The following ATXN1 variants were observed in gnomAD, a reference collection of about 807,000 sequenced individuals.
The protein encoded by ATXN1 is ataxin-1.
In ATXN1, 8 loss-of-function variants were observed where a neutral mutation model predicts 56.4. That is an observed-to-expected ratio of 0.14 (90% CI 0.08 to 0.26). The LOEUF (loss-of-function observed/expected upper bound fraction) is 0.26, where lower values mean the gene tolerates loss of function less well. Ranked by LOEUF, ATXN1 falls within the 10% of genes least tolerant of loss-of-function variation. The pLI, the probability that ATXN1 is intolerant of heterozygous loss-of-function variation, is 1.00. For synonymous variants in ATXN1, 514 were observed against 494.6 expected, an observed-to-expected ratio of 1.04 and a Z score of -0.52; for missense variants, 987 against 1,106.5, an observed-to-expected ratio of 0.89 and a Z score of 1.53.
chr6:16,343,947 G>A (rs902446806), intron 6 of ATXN1, among the ~76,000 whole-genome samples: 48 of 152,072 alleles, frequency 3.2e-4, no homozygotes, highest in African/African-American at 2.7e-4. Context: ...ACCAGCCACC[G>A]CTCCTCCGCA....
intron 3 of ATXN1, among the ~76,000 whole-genome samples, chr6:16,626,070 A>G (rs1192136859): frequency 1.3e-5 from 2 of 152,154 alleles, no homozygotes; most frequent in East Asian, 1.9e-4. Flanking sequence ...GCAACCTGAA[A>G]AAAAGGAAGG....
intron 4 of ATXN1, among the ~76,000 whole-genome samples, chr6:16,571,298 GT>G (rs1762327130): frequency 6.6e-6 from 1 of 152,024 alleles, no homozygotes; most frequent in African/African-American, 2.4e-5. Context: ...TTTGAAATAT[GT>G]TCCCTATAAA....
chr6:16,489,629 G>C (rs1334328488), intron 5 of ATXN1, among the ~76,000 whole-genome samples: 1 of 152,136 alleles, frequency 6.6e-6, no homozygotes, highest in Admixed American at 6.5e-5. Flanking sequence ...CTCTGAGGCA[G>C]TGATATTCAA....
chr6:16,549,657 G>A (rs939421262), intron 4 of ATXN1, among the ~76,000 whole-genome samples: 4 of 152,090 alleles, frequency 2.6e-5, no homozygotes, highest in Admixed American at 6.5e-5. Context: ...CAGCACTTTG[G>A]GAGGCAGAGA....
intron 2 of ATXN1, among the ~76,000 whole-genome samples, chr6:16,706,774 T>C (rs1314624594): frequency 6.6e-6 from 1 of 150,726 alleles, no homozygotes; most frequent in Non-Finnish European, 1.5e-5. Flanking sequence ...GAGGGTTAAG[T>C]GCTTTATTCA....
intron 2 of ATXN1, chr6:16,739,662 C>T (rs1410777398): frequency 2.9e-5 from 11 of 375,996 alleles, no homozygotes; most frequent in Middle Eastern, 8.4e-4. Context: ...ACTAAGCCTG[C>T]GCCAGCTCAA....
chr6:16,612,292 C>A (rs953163021), intron 3 of ATXN1, among the ~76,000 whole-genome samples: 1 of 152,044 alleles, frequency 6.6e-6, no homozygotes, highest in Non-Finnish European at 1.5e-5. Flanking sequence ...GGAACATTAA[C>A]AAAAATGAAT....
intron 6 of ATXN1, among the ~76,000 whole-genome samples, chr6:16,363,212 T>C (rs985591437): frequency 1.3e-5 from 2 of 152,268 alleles, no homozygotes; most frequent in Non-Finnish European, 2.9e-5. Flanking sequence ...TATCAACTTC[T>C]AGATCTAAGC....
intron 2 of ATXN1, among the ~76,000 whole-genome samples, chr6:16,702,314 C>T (rs1759304101): frequency 6.6e-6 from 1 of 152,190 alleles, no homozygotes. Context: ...CCCTTCCTTA[C>T]ACCTTATACA....
chr6:16,320,500 AT>A, intron 7 of ATXN1, among the ~76,000 whole-genome samples: 1 of 152,208 alleles, frequency 6.6e-6, no homozygotes, highest in Non-Finnish European at 1.5e-5. Flanking sequence ...TTACCAATAC[AT>A]TTTACAACTC....
intron 6 of ATXN1, among the ~76,000 whole-genome samples, chr6:16,351,013 T>G (rs1291382106): frequency 6.6e-6 from 1 of 152,092 alleles, no homozygotes; most frequent in East Asian, 1.9e-4. Flanking sequence ...GAGCCTAGCC[T>G]GGGAGATCAA....
chr6:16,661,107 G>A (rs574148793), intron 2 of ATXN1, among the ~76,000 whole-genome samples: 9 of 151,940 alleles, frequency 5.9e-5, no homozygotes, highest in Admixed American at 2.6e-4. Flanking sequence ...AAAGTGCTGG[G>A]ATTACAGATG....
rs987550809 is a variant in ATXN1, at chr6:16,720,345, C to T, written c.-615+32888G>A. On this transcript the variant is annotated intron_variant, in intron 2 of 7. Transcript: ENST00000436367. ...AAATAGAGTCTACTTATGCAATTTA[C>T]TTGTGGTTGTCTCCACTATGAGAAC... Among the ~76,000 whole-genome samples, 6 of 152,166 alleles carry T rather than the reference C, an allele frequency of 3.9e-5. No individual in the cohort carries two copies. The East Asian group carries it at 1.2e-3, about 29-fold the overall frequency.
intron 6 of ATXN1, among the ~76,000 whole-genome samples, chr6:16,334,385 A>G (rs1167920271): frequency 6.6e-6 from 1 of 152,150 alleles, no homozygotes; most frequent in East Asian, 1.9e-4. Context: ...TACACTCAAT[A>G]TGAACAACCA....
chr6:16,526,624 G>A (rs1004389967), intron 4 of ATXN1, among the ~76,000 whole-genome samples: 1 of 152,058 alleles, frequency 6.6e-6, no homozygotes, highest in African/African-American at 2.4e-5. Flanking sequence ...AATTAGCTGG[G>A]CTTGGTGGCA....
chr6:16,645,694 T>C (rs1763788280), intron 3 of ATXN1, among the ~76,000 whole-genome samples: 1 of 152,218 alleles, frequency 6.6e-6, no homozygotes, highest in African/African-American at 2.4e-5. Context: ...AATTACACTC[T>C]CTACCTTTAA....
At chr6:16,582,415 A>G (rs1371139501) in intron 4 of ATXN1, among the ~76,000 whole-genome samples, 1 of 152,172 alleles carries the variant, frequency 6.6e-6, no homozygotes. Flanking sequence ...AAATTAATAA[A>G]TGAGTGAGGA....
chr6:16,693,389 A>G (rs1480572515), intron 2 of ATXN1, among the ~76,000 whole-genome samples: 1 of 152,206 alleles, frequency 6.6e-6, no homozygotes, highest in African/African-American at 2.4e-5. Flanking sequence ...GAAACAAGCA[A>G]TGGAAGACAA....
intron 6 of ATXN1, among the ~76,000 whole-genome samples, chr6:16,388,928 A>G (rs543461652): frequency 2.6e-5 from 4 of 152,358 alleles, no homozygotes; most frequent in African/African-American, 9.6e-5. Flanking sequence ...AAAATAGAAC[A>G]AGAGACTTTC....
Sources: gnomAD v4.1 joint callset for allele counts (sites outside exome capture counted in the v4.1 genomes callset) on GRCh38, gnomAD v4.1.1 for gene constraint, MANE v1.5 for transcripts, NCBI Gene and HGNC (gene_info 2026-07-23, HGNC 2026-07-21) for gene names.